The following PPIP5K2 variants were observed in gnomAD, a reference collection of about 807,000 sequenced individuals.
PPIP5K2 encodes diphosphoinositol pentakisphosphate kinase 2, also known as inositol hexakisphosphate and diphosphoinositol-pentakisphosphate kinase 2.
In PPIP5K2, 105 loss-of-function variants were observed where a neutral mutation model predicts 154.6. That is an observed-to-expected ratio of 0.68 (90% CI 0.58 to 0.80). PPIP5K2 has a LOEUF of 0.80. Ranked by LOEUF, PPIP5K2 falls within the 30% of genes least tolerant of loss-of-function variation. The pLI is 0.00. For missense variants in PPIP5K2, 992 were observed against 1,504.6 expected (o/e 0.66, Z 5.64); for synonymous variants, 480 against 490.3 (o/e 0.98, Z 0.28).
chr5:103,187,254 T>G (rs1435815206), intron 27 of PPIP5K2, 60 bp from the exon 28 acceptor site: 1 of 1,317,414 alleles, frequency 7.6e-7, no homozygotes, highest in East Asian at 2.5e-5. Context: ...CCCCTCTTTC[T>G]TTTAAGTGTT....
chr5:103,172,446 G>A (rs751153357), intron 19 of PPIP5K2, among the ~76,000 whole-genome samples: 47 of 151,204 alleles, frequency 3.1e-4, no homozygotes, highest in Non-Finnish European at 5.0e-4. Context: ...CTTGGAGAGA[G>A]AAGGTATATG....
At chr5:103,139,520 CTTTTTTGAA>C (rs1175104218) in intron 5 of PPIP5K2, among the ~76,000 whole-genome samples, 2 of 152,142 alleles carry the variant, frequency 1.3e-5, no homozygotes, top group African/African-American at 2.4e-5. Context: ...AACACTTAGT[CTTTTTTGAA>C]TATGTGGAAA....
At position 103,208,288 on chromosome 5, in the gene PPIP5K2, A is replaced by C. The variant is rs1180222840; in HGVS notation, c.*6654A>C. On this transcript the variant is annotated 3_prime_UTR_variant, in exon 31 of 31. Transcript: ENST00000358359. The stretch of plus-strand genomic sequence containing the variant: ...GCATTTTTAGTAGAGACTGGGTTTC[A>C]CCATGTTGGCCAGGCTGGTCTCGAA... 2 of 151,874 alleles carry C rather than the reference A, an allele frequency of 1.3e-5. No homozygotes were observed. Among genetic ancestry groups the C allele is most frequent in the African/African-American group, 4.8e-5 (2 of 41,302 alleles). 9.4% of individuals were successfully genotyped at this position (151,874 alleles called of 1,614,324 possible).
At chr5:103,154,799 A>C (rs1277356551) in intron 12 of PPIP5K2, 35 bp from the exon 13 acceptor site, 1 of 1,545,168 alleles carries the variant, frequency 6.5e-7, no homozygotes, top group Non-Finnish European at 8.7e-7. Context: ...GTGAAATTAC[A>C]TAAAAATTCA....
intron 19 of PPIP5K2, among the ~76,000 whole-genome samples, chr5:103,172,454 A>G (rs1395851871): frequency 1.3e-5 from 2 of 151,098 alleles, no homozygotes; most frequent in African/African-American, 4.8e-5. Flanking sequence ...GAGAAGGTAT[A>G]TGTGTTTCTT....
At position 103,207,090 on chromosome 5, in the gene PPIP5K2, A is replaced by AG. The variant is rs1554232326; in HGVS notation, c.*5461dup. The AG allele has an allele frequency of 6.6e-6, 1 of 152,248 alleles. No individual in the cohort carries two copies. 9.4% of individuals were successfully genotyped at this position (152,248 alleles called of 1,614,324 possible). ...CTAGGTTTATAGACATGGCCAGCCC[A>AG]GGGGGTCCTGAGCACCAGATACAAC... On this transcript the variant is annotated 3_prime_UTR_variant, in exon 31 of 31. Coordinates refer to ENST00000358359, the MANE Select transcript of PPIP5K2 (RefSeq NM_001276277.3).
intron 14 of PPIP5K2, among the ~76,000 whole-genome samples, chr5:103,157,468 G>A (rs1055396874): frequency 1.5e-4 from 23 of 151,966 alleles, no homozygotes; most frequent in African/African-American, 3.9e-4. Context: ...GCAAATCACC[G>A]ATTTCCAATC....
chr5:103,195,165 A>G (rs1398012102), intron 30 of PPIP5K2, 140 bp downstream of exon 30: 1 of 1,056,510 alleles, frequency 9.5e-7, no homozygotes, highest in African/African-American at 1.6e-5. Flanking sequence ...TTAAAAATCG[A>G]TTATTGTAGT....
chr5:103,162,570 C>T (rs1228726401), intron 17 of PPIP5K2, among the ~76,000 whole-genome samples: 1 of 151,882 alleles, frequency 6.6e-6, no homozygotes, highest in Non-Finnish European at 1.5e-5. Context: ...ACTGTGTTGC[C>T]CAGGCTAGTC....
chr5:103,131,430 CT>C (rs1191607878), intron 2 of PPIP5K2, among the ~76,000 whole-genome samples: 225 of 152,070 alleles, frequency 1.5e-3, no homozygotes, highest in African/African-American at 5.0e-3. Context: ...AGTACAGATG[CT>C]TTTTTTCCCC....
chr5:103,195,551 A>G lies in PPIP5K2; in HGVS notation c.3619+526A>G, dbSNP rs140663286. On this transcript the variant is annotated intron_variant, in intron 30 of 30. Coordinates refer to ENST00000358359, the MANE Select transcript of PPIP5K2 (RefSeq NM_001276277.3). The stretch of plus-strand genomic sequence containing the variant: ...GTGACTACCAAAATTAATTTTTATT[A>G]GCATTTTTCTACTTTAATTATGTGG... 6.6e-5 allele frequency among the ~76,000 whole-genome samples: 10 copies of G among 152,312 alleles called. No individual in the cohort carries two copies. In the East Asian group the frequency reaches 1.7e-3, roughly 26 times the overall value.
rs1294839918 is a variant in PPIP5K2, at chr5:103,203,270, GA to G, written c.*1642del. 2 of 152,044 alleles carry G rather than the reference GA, an allele frequency of 1.3e-5. No homozygotes were observed. Among genetic ancestry groups the G allele is most frequent in the Admixed American group, 1.3e-4 (2 of 15,226 alleles). 9.4% of individuals were successfully genotyped at this position (152,044 alleles called of 1,614,324 possible). ...CTCTTACTTTTTAGTTTTCAAAGTA[GA>G]AAAAATCAGGAATTTTTTTATTAAC... On this transcript the variant is annotated 3_prime_UTR_variant, in exon 31 of 31. Coordinates refer to ENST00000358359, the MANE Select transcript of PPIP5K2 (RefSeq NM_001276277.3).
intron 27 of PPIP5K2, 127 bp downstream of exon 27, chr5:103,186,566 A>G: frequency 7.4e-7 from 1 of 1,347,604 alleles, no homozygotes; most frequent in South Asian, 1.3e-5. Context: ...TTTTGCCTAA[A>G]TGACTATCAG....
At position 103,205,570 on chromosome 5, in the gene PPIP5K2, T is replaced by C. The variant is rs972879039; in HGVS notation, c.*3936T>C. The stretch of plus-strand genomic sequence containing the variant: ...ATCTCATTTGTAAGATGATATCTCA[T>C]TGAGATTTTTATAAACTGCTTTTCT... On this transcript the variant is annotated 3_prime_UTR_variant, in exon 31 of 31. Coordinates refer to ENST00000358359, the MANE Select transcript of PPIP5K2 (RefSeq NM_001276277.3). 33 of 152,254 alleles carry C rather than the reference T, an allele frequency of 2.2e-4. No homozygotes were observed. Among genetic ancestry groups the C allele is most frequent in the African/African-American group, 7.5e-4 (31 of 41,466 alleles). 9.4% of individuals were successfully genotyped at this position (152,254 alleles called of 1,614,324 possible).
In PPIP5K2 at chr5:103,177,712, G is replaced by A. The variant is rs540579031; in HGVS notation, c.2575G>A (p.Val859Ile). 18 of 1,611,920 alleles carry A rather than the reference G, an allele frequency of 1.1e-5. No individual in the cohort carries two copies. The Admixed American group carries it at 1.3e-4, about 12-fold the overall frequency. ...QWKRAMDYLN[V>I]VNELNYMTQI... The stretch of plus-strand genomic sequence containing the variant: ...GAAACGAGCTATGGATTATTTAAAC[G>A]TTGTCAATGAGCTCAACTACATGAC... The change falls in exon 22 of 31, where the codon GTT (valine) becomes ATT (isoleucine). Residue 859 changes from valine (V) to isoleucine (I), a missense_variant. This residue lies in a region of PPIP5K2 where 157 missense variants were observed against 281.2 expected (regional missense o/e 0.56). Coordinates refer to ENST00000358359, the MANE Select transcript of PPIP5K2 (RefSeq NM_001276277.3).
intron 9 of PPIP5K2, among the ~76,000 whole-genome samples, 154 bp from the exon 10 acceptor site, chr5:103,152,494 A>AT (rs1794783483): frequency 6.6e-6 from 1 of 151,846 alleles, no homozygotes; most frequent in Middle Eastern, 3.4e-3. Flanking sequence ...GCTGATTTTT[A>AT]TTTTTTCTTG....
chr5:103,154,623 A>G, intron 11 of PPIP5K2, 47 bp from the exon 12 acceptor site: 2 of 1,111,586 alleles, frequency 1.8e-6, no homozygotes. Context: ...TATATTGGTA[A>G]TGTTAATTAT....
In PPIP5K2 at chr5:103,158,222, T is replaced by G; in HGVS notation, c.1524T>G (p.Val508=). ...GAGAAGAACCATCTTTACTTTTGGT[T>G]CTAAAATGGGGAGGTGAATTAACTC... The part of the protein sequence containing the change: ...SRREEPSLLL[V]LKWGGELTPA... Residue 508 remains valine (V), a synonymous_variant, in exon 15 of 31, where the codon GTT becomes GTG. Coordinates refer to ENST00000358359, the MANE Select transcript of PPIP5K2 (RefSeq NM_001276277.3). 6.2e-7 allele frequency: 1 copy of G among 1,613,938 alleles called. No homozygotes were observed. Among genetic ancestry groups the G allele is most frequent in the Non-Finnish European group, 8.5e-7 (1 of 1,179,830 alleles).
intron 17 of PPIP5K2, among the ~76,000 whole-genome samples, chr5:103,165,622 T>G (rs1259815933): frequency 6.6e-6 from 1 of 152,056 alleles, no homozygotes; most frequent in African/African-American, 2.4e-5. Flanking sequence ...ATGGTGAAGC[T>G]TAAGTGAAAA....
Sources: gnomAD v4.1 joint callset for allele counts (sites outside exome capture counted in the v4.1 genomes callset) on GRCh38, gnomAD v4.1.1 for gene constraint, gnomAD v4.1.1 regional missense constraint, MANE v1.5 for transcripts, NCBI Gene and HGNC (gene_info 2026-07-23, HGNC 2026-07-21) for gene names.